The following HABP2 variants were observed in gnomAD, a reference collection of about 807,000 sequenced individuals.
The protein encoded by HABP2 is hyaluronan binding protein 2, also known as factor VII-activating protease.
A neutral mutation model predicts 66.5 loss-of-function variants in HABP2; 65 were observed. The ratio of observed to expected loss-of-function variants is 0.98; its 90% CI spans 0.80 to 1.20. HABP2 has a LOEUF of 1.20. Ranked by LOEUF, HABP2 falls within the 50% of genes most tolerant of loss-of-function variation. The pLI is 0.00. For missense variants in HABP2, 786 were observed against 691.0 expected, an observed-to-expected ratio of 1.14 and a Z score of -1.54; for synonymous variants, 263 against 253.9, an observed-to-expected ratio of 1.04 and a Z score of -0.34.
intron 8 of HABP2, among the ~76,000 whole-genome samples, chr10:113,581,295 TC>T (rs1382095346): frequency 2.0e-5 from 3 of 152,240 alleles, no homozygotes; most frequent in Non-Finnish European, 4.4e-5. Context: ...CAGGAAGTCC[TC>T]CTTGATTTCT....
At chr10:113,566,050 G>A (rs747511318) in intron 1 of HABP2, among the ~76,000 whole-genome samples, 2 of 152,100 alleles carry the variant, frequency 1.3e-5, no homozygotes, top group Non-Finnish European at 2.9e-5. Context: ...AATCATGTAA[G>A]GAAGCCTACA....
chr10:113,552,456 C>T (rs1282992846), upstream of HABP2, among the ~76,000 whole-genome samples: 1 of 151,942 alleles, frequency 6.6e-6, no homozygotes, highest in Non-Finnish European at 1.5e-5. Flanking sequence ...TTTTCCTCCG[C>T]TTGATCAAAG....
chr10:113,552,407 A>G (rs1472296837), upstream of HABP2, among the ~76,000 whole-genome samples: 5 of 152,228 alleles, frequency 3.3e-5, no homozygotes, highest in African/African-American at 1.2e-4. Flanking sequence ...AATAAGGAAC[A>G]TAGGAAACAA....
rs778820877 is a variant in HABP2 at position 113,575,927 on chromosome 10, G to A, written c.254G>A (p.Gly85Asp). The change falls in exon 4 of 13, where the codon GGT (glycine) becomes GAT (aspartate). Residue 85 changes from glycine (G) to aspartate (D), a missense_variant. Gly to Asp is a moderately conservative substitution (Grantham distance 94). Transcript: ENST00000351270. ...DPCQPNPCEH[G>D]GDCLVHGSTF... ...TGCCAGCCCAACCCCTGTGAACACG[G>A]TGGGGACTGCCTCGTCCATGGGAGC... 2 of 1,611,102 alleles carry A rather than the reference G, an allele frequency of 1.2e-6. No homozygotes were observed. The highest frequency in any genetic ancestry group is 3.3e-5 in the Admixed American group (2 of 60,010).
At chr10:113,583,793 C>T (rs986017691) in intron 10 of HABP2, among the ~76,000 whole-genome samples, 7 of 152,196 alleles carry the variant, frequency 4.6e-5, no homozygotes, top group Non-Finnish European at 7.3e-5. Flanking sequence ...AATGCAATGA[C>T]GTTCCTAGCT....
Position 113,588,291 on chromosome 10 carries a change from G to T in HABP2, c.1605G>T (p.Lys535Asn). 1 of 1,613,592 alleles carries T rather than the reference G, an allele frequency of 6.2e-7. No individual in the cohort carries two copies. The highest frequency in any genetic ancestry group is 2.2e-5 in the East Asian group (1 of 44,876). ...TGAGCTGGGGCCTGGAGTGTGGGAA[G>T]AGGCCAGGGGTCTACACCCAAGTTA... ...GIVSWGLECG[K>N]RPGVYTQVTK... The change falls in exon 13 of 13, where the codon AAG (lysine) becomes AAT (asparagine). Residue 535 changes from lysine (K) to asparagine (N), a missense_variant. Physicochemically the swap from Lys to Asn is moderately conservative, Grantham distance 94. Coordinates refer to ENST00000351270, the MANE Select transcript of HABP2 (RefSeq NM_004132.5).
At chr10:113,557,137 A>C (rs1176733805) in intron 1 of HABP2, among the ~76,000 whole-genome samples, 1 of 152,148 alleles carries the variant, frequency 6.6e-6, no homozygotes, top group Non-Finnish European at 1.5e-5. Context: ...TCCAGGACCA[A>C]ACAAGGTCTT....
chr10:113,578,968 A>G (rs953461263), intron 7 of HABP2, among the ~76,000 whole-genome samples, 170 bp downstream of exon 7: 2 of 151,948 alleles, frequency 1.3e-5, no homozygotes, highest in Middle Eastern at 3.4e-3. Flanking sequence ...ATCAAAGTCT[A>G]TTTCTGGGCT....
intron 12 of HABP2, among the ~76,000 whole-genome samples, chr10:113,587,409 G>T (rs1236688158): frequency 1.3e-5 from 2 of 152,132 alleles, no homozygotes; most frequent in South Asian, 4.1e-4. Context: ...ACAAATAGTT[G>T]TGAATTGAAA....
intron 1 of HABP2, among the ~76,000 whole-genome samples, chr10:113,553,406 C>T (rs907287999): frequency 5.9e-5 from 9 of 152,316 alleles, no homozygotes; most frequent in South Asian, 2.1e-4. Context: ...CATCTTGGAG[C>T]GGAGCCTCCA....
At chr10:113,584,316 T>C in intron 11 of HABP2, 34 bp downstream of exon 11, 1 of 1,601,908 alleles carries the variant, frequency 6.2e-7, no homozygotes, top group South Asian at 1.1e-5. Context: ...ATGACTTAGG[T>C]GAACTACATC....
intron 2 of HABP2, among the ~76,000 whole-genome samples, chr10:113,570,824 A>T (rs1029888381): frequency 1.3e-5 from 2 of 152,242 alleles, no homozygotes; most frequent in African/African-American, 4.8e-5. Flanking sequence ...CACATACATT[A>T]ACTACAGGTA....
intron 8 of HABP2, 71 bp from the exon 9 acceptor site, chr10:113,581,805 C>T (rs1414452314): frequency 6.6e-7 from 1 of 1,520,440 alleles, no homozygotes; most frequent in African/African-American, 1.4e-5. Flanking sequence ...AGAGTCATAC[C>T]TCTGCCTGAG....
intron 1 of HABP2, among the ~76,000 whole-genome samples, chr10:113,554,788 C>A (rs1428029252): frequency 1.3e-5 from 2 of 152,090 alleles, no homozygotes; most frequent in Non-Finnish European, 2.9e-5. Flanking sequence ...CCCTTTTTTG[C>A]AAACCCCATT....
intron 1 of HABP2, among the ~76,000 whole-genome samples, chr10:113,566,180 T>C (rs2133754633): frequency 6.6e-6 from 1 of 152,328 alleles, no homozygotes; most frequent in African/African-American, 2.4e-5. Context: ...GGGAAAGCTG[T>C]CTAGTGGTAG....
chr10:113,562,110 A>T (rs936848421), intron 1 of HABP2, among the ~76,000 whole-genome samples: 15 of 152,184 alleles, frequency 9.9e-5, no homozygotes, highest in Admixed American at 2.6e-4. Context: ...GGAGTAGAAT[A>T]AACAGTCGTT....
intron 12 of HABP2, among the ~76,000 whole-genome samples, chr10:113,586,813 G>C (rs1183560464): frequency 6.6e-6 from 1 of 152,100 alleles, no homozygotes; most frequent in Non-Finnish European, 1.5e-5. Context: ...CCTTCAGGGA[G>C]CCTCCCCGTA....
chr10:113,585,007 T>C (rs1397530440), intron 11 of HABP2, among the ~76,000 whole-genome samples: 1 of 152,238 alleles, frequency 6.6e-6, no homozygotes, highest in Non-Finnish European at 1.5e-5. Context: ...TTCTCTTCCT[T>C]CGCAAATCCT....
chr10:113,585,107 G>A (rs1021092834), intron 11 of HABP2, among the ~76,000 whole-genome samples: 1 of 152,180 alleles, frequency 6.6e-6, no homozygotes, highest in Non-Finnish European at 1.5e-5. Context: ...ATACAACTTT[G>A]AGTCTTTTGA....
Sources: allele counts gnomAD v4.1 joint callset (sites outside exome capture counted in the v4.1 genomes callset), GRCh38; gene constraint gnomAD v4.1.1; transcripts MANE v1.5; gene names NCBI Gene and HGNC (gene_info 2026-07-23, HGNC 2026-07-21).